Variants in TMEM179 observed in about 807,000 individuals in gnomAD.
TMEM179 encodes transmembrane protein 179A.
In TMEM179, 17 loss-of-function variants were observed where a neutral mutation model predicts 22.2. The observed-to-expected ratio is 0.77, with a 90% CI of 0.52 to 1.15. The LOEUF (loss-of-function observed/expected upper bound fraction) is 1.15. Ranked by LOEUF, TMEM179 falls within the 50% of genes most tolerant of loss-of-function variation. TMEM179 has a pLI of 0.00. For missense variants in TMEM179, 265 were observed against 313.6 expected, an observed-to-expected ratio of 0.84 and a Z score of 1.17; for synonymous variants, 127 against 140.5, an observed-to-expected ratio of 0.90 and a Z score of 0.68.
At position 104,604,009 on chromosome 14, in the gene TMEM179, G is replaced by A. The variant is rs1225480546; in HGVS notation, c.305+428C>T. The stretch of plus-strand genomic sequence containing the variant: ...TTTCCCGGGGCGATGGTGCCGGGTG[G>A]GGCTCCCCAGTTCGCCTTGTCACTG... On this transcript the variant is annotated intron_variant, in intron 1 of 3. Coordinates refer to ENST00000556573, the MANE Select transcript of TMEM179 (RefSeq NM_001286389.2). The surrounding 1 kb of genome is among the most constrained non-coding windows in gnomAD (Gnocchi z 4.6). 1.3e-5 allele frequency among the ~76,000 whole-genome samples: 2 copies of A among 152,194 alleles called. No individual in the cohort carries two copies. Among genetic ancestry groups the A allele is most frequent in the Non-Finnish European group, 1.5e-5 (1 of 68,020 alleles).
rs1880080727 is a variant in TMEM179, at chr14:104,595,237, T to C, written c.450A>G (p.Glu150=). ...TEKGTVPHSC[E]ELQDIDLELG... is the part of the protein sequence containing the mutation. ...GCTCCAAGTCGATGTCCTGGAGCTCTTCACAGCTAAAACAGCAGGACATAG... is the reference window on the plus strand; with the variant it reads ...GCTCCAAGTCGATGTCCTGGAGCTCCTCACAGCTAAAACAGCAGGACATAG... Residue 150 remains glutamate (E), a synonymous_variant, in exon 3 of 4, where the codon GAA becomes GAG. Coordinates refer to ENST00000556573, the MANE Select transcript of TMEM179 (RefSeq NM_001286389.2). This position sits in a 1 kb window ranked among gnomAD's most constrained non-coding sequence, Gnocchi z 5.7. 6.2e-7 allele frequency: 1 copy of C among 1,610,956 alleles called. No homozygotes were observed. The highest frequency in any genetic ancestry group is 1.3e-5 in the African/African-American group (1 of 74,868).
chr14:104,601,459 G>A (rs574824420), intron 1 of TMEM179, among the ~76,000 whole-genome samples: 4 of 152,330 alleles, frequency 2.6e-5, no homozygotes, highest in African/African-American at 7.2e-5. Flanking sequence ...GTCCCCTAGG[G>A]TGGGGTCCCC....
In TMEM179 at chr14:104,597,190, C is replaced by T; in HGVS notation, c.306-63G>A. The T allele has an allele frequency of 2.0e-6, 3 of 1,516,290 alleles. No individual in the cohort carries two copies. 93.9% of individuals were successfully genotyped at this position (1,516,290 alleles called of 1,614,324 possible). A position where few individuals can be genotyped will look rare whatever the true frequency, so the allele number is the denominator to read the frequency against. On this transcript the variant is annotated intron_variant, in intron 1 of 3. Transcript: ENST00000556573. The surrounding 1 kb of genome is among the most constrained non-coding windows in gnomAD (Gnocchi z 4.8). ...CCACCTCCCAGGCGACCCCCGCCCC[C>T]AGGCTGCAGCCAGAAACAGGAGGGG...
chr14:104,593,988 C>T, intron 3 of TMEM179: 1 of 1,170,426 alleles, frequency 8.5e-7, no homozygotes, highest in South Asian at 4.3e-5. Context: ...AGTGCTTTCT[C>T]CTCCAGCAGC....
At position 104,595,182 on chromosome 14, in the gene TMEM179, G is replaced by C. The variant is rs767673485; in HGVS notation, c.505C>G (p.Gln169Glu). 3.1e-6 allele frequency: 5 copies of C among 1,613,784 alleles called. No homozygotes were observed. In the South Asian group the frequency reaches 5.5e-5, roughly 18 times the overall value. ...CCCCCTACCTGGGCAATTGCAAACT[G>C]ATCGTAGAAGGCGGAGTTGTCCACG... The part of the protein sequence containing the change: ...LGVDNSAFYD[Q>E]FAIAQFGLWA... Residue 169 changes from glutamine (Q) to glutamate (E), a missense_variant, in exon 3 of 4, where the codon CAG becomes GAG. By Grantham distance (29) the Gln-to-Glu change is conservative. Coordinates refer to ENST00000556573, the MANE Select transcript of TMEM179 (RefSeq NM_001286389.2). This position sits in a 1 kb window ranked among gnomAD's most constrained non-coding sequence, Gnocchi z 5.7.
At position 104,592,774 on chromosome 14, in the gene TMEM179, G is replaced by C. The variant is rs749458332; in HGVS notation, c.*705C>G. On this transcript the variant is annotated 3_prime_UTR_variant, in exon 4 of 4. Transcript: ENST00000556573. ...GGCTCCTGGCCCAGTCCTCTATGTG[G>C]TACGTGTGCCCCCGAAATCCCCAAC... 1.3e-5 allele frequency among the ~76,000 whole-genome samples: 2 copies of C among 152,150 alleles called. No individual in the cohort carries two copies. Among genetic ancestry groups the C allele is most frequent in the Non-Finnish European group, 2.9e-5 (2 of 68,030 alleles).
intron 1 of TMEM179, among the ~76,000 whole-genome samples, chr14:104,601,949 G>C (rs928429351): frequency 6.6e-6 from 1 of 152,136 alleles, no homozygotes; most frequent in African/African-American, 2.4e-5. Context: ...CATATGGGCC[G>C]GTCAGCAGGG....
intron 1 of TMEM179, among the ~76,000 whole-genome samples, chr14:104,598,067 G>A (rs375383031): frequency 5.9e-5 from 9 of 152,302 alleles, no homozygotes; most frequent in South Asian, 2.1e-4. Flanking sequence ...TGAGGATACC[G>A]GGCAGGTGGT....
In TMEM179 at chr14:104,594,154, C is replaced by T. The variant is rs939944174; in HGVS notation, c.523-496G>A. The stretch of plus-strand genomic sequence containing the variant: ...TACATTAAGCTGATTCTCATTTGAG[C>T]GTATTTGCCATCAGACTGCACTCAC... On this transcript the variant is annotated intron_variant, in intron 3 of 3. Coordinates refer to ENST00000556573, the MANE Select transcript of TMEM179 (RefSeq NM_001286389.2). 28 of 1,231,710 alleles carry T rather than the reference C, an allele frequency of 2.3e-5. No individual in the cohort carries two copies. The African/African-American group carries it at 2.8e-4, about 12-fold the overall frequency. The allele number at this position is 1,231,710 out of a possible 1,614,324, so 76.3% of individuals were successfully genotyped here.
intron 1 of TMEM179, among the ~76,000 whole-genome samples, chr14:104,601,747 G>A (rs1887247469): frequency 6.6e-6 from 1 of 152,196 alleles, no homozygotes; most frequent in African/African-American, 2.4e-5. Context: ...CCCCTGAACT[G>A]AAGCAAAGGA....
intron 3 of TMEM179, chr14:104,594,332 C>T (rs1886945257): frequency 3.2e-6 from 4 of 1,231,504 alleles, no homozygotes; most frequent in Middle Eastern, 3.1e-4. Context: ...CCAGGAGAAG[C>T]GTCCTCAGGC....
In TMEM179 at chr14:104,595,269, G is replaced by A. The variant is rs1197632892; in HGVS notation, c.444-26C>T. 1 of 1,601,826 alleles carries A rather than the reference G, an allele frequency of 6.2e-7. No individual in the cohort carries two copies. The highest frequency in any genetic ancestry group is 1.3e-5 in the African/African-American group (1 of 74,850). ...CTAAAACAGCAGGACATAGGGTGGA[G>A]GGTGACCACCAGGACAGCCAGTGCG... On this transcript the variant is annotated intron_variant, in intron 2 of 3. Transcript: ENST00000556573. This position sits in a 1 kb window ranked among gnomAD's most constrained non-coding sequence, Gnocchi z 5.7.
Position 104,591,393 on chromosome 14 carries a change from G to A in TMEM179, c.*2086C>T. On this transcript the variant is annotated 3_prime_UTR_variant, in exon 4 of 4. Transcript: ENST00000556573. ...AGGAGCCACCCCACCTTCTGCTGGG[G>A]ACACAGACAAGGAGCTCTCCGGACT... is the stretch of plus-strand genomic sequence containing the variant. 2.2e-6 allele frequency: 1 copy of A among 456,042 alleles called. No homozygotes were observed. Among genetic ancestry groups the A allele is most frequent in the Middle Eastern group, 3.3e-4 (1 of 3,070 alleles). 28.2% of individuals were successfully genotyped at this position (456,042 alleles called of 1,614,324 possible). A position where few individuals can be genotyped will look rare whatever the true frequency, so the allele number is the denominator to read the frequency against.
chr14:104,597,732 C>T lies in TMEM179; in HGVS notation c.306-605G>A, dbSNP rs563742426. Among the ~76,000 whole-genome samples, 7 of 152,276 alleles carry T rather than the reference C, an allele frequency of 4.6e-5. No homozygotes were observed. The East Asian group carries it at 5.8e-4, about 13-fold the overall frequency. Reference sequence around the variant, plus strand: ...GCCTGGATCGCAGACCTCTAGCCTCCGGAAGTGTGAGCAGTAAATGCCTGT... The same window carrying T: ...GCCTGGATCGCAGACCTCTAGCCTCTGGAAGTGTGAGCAGTAAATGCCTGT... On this transcript the variant is annotated intron_variant, in intron 1 of 3. Transcript: ENST00000556573. This position sits in a 1 kb window ranked among gnomAD's most constrained non-coding sequence, Gnocchi z 4.8.
At position 104,593,195 on chromosome 14, in the gene TMEM179, C is replaced by G; in HGVS notation, c.*284G>C. ...GGCCAGTCAGGTCCTACTGGGACAG[C>G]CAAGGGGCCCTGTGCGAGGCCTGGA... On this transcript the variant is annotated 3_prime_UTR_variant, in exon 4 of 4. Coordinates refer to ENST00000556573, the MANE Select transcript of TMEM179 (RefSeq NM_001286389.2). 1 of 517,390 alleles carries G rather than the reference C, an allele frequency of 1.9e-6. No individual in the cohort carries two copies. The highest frequency in any genetic ancestry group is 2.4e-5 in the South Asian group (1 of 40,872). 32.0% of individuals were successfully genotyped at this position (517,390 alleles called of 1,614,324 possible). A position where few individuals can be genotyped will look rare whatever the true frequency, so the allele number is the denominator to read the frequency against.
Position 104,595,377 on chromosome 14 carries a change from T to A in TMEM179, c.444-134A>T. The A allele has an allele frequency of 1.2e-6, 1 of 827,942 alleles. No individual in the cohort carries two copies. Among genetic ancestry groups the A allele is most frequent in the Non-Finnish European group, 1.9e-6 (1 of 530,484 alleles). The allele number at this position is 827,942 out of a possible 1,614,324, so 51.3% of individuals were successfully genotyped here. On this transcript the variant is annotated intron_variant, in intron 2 of 3. Transcript: ENST00000556573. This position sits in a 1 kb window ranked among gnomAD's most constrained non-coding sequence, Gnocchi z 5.7. ...GAGGGGGTGGGCAGCAGGGAGTCTC[T>A]GGGGACATCACGGAGGGTTAGCCTC...
Position 104,591,269 on chromosome 14 carries a change from G to A in TMEM179, c.*2210C>T. 2 of 432,306 alleles carry A rather than the reference G, an allele frequency of 4.6e-6. No individual in the cohort carries two copies. The highest frequency in any genetic ancestry group is 2.5e-5 in the Admixed American group (1 of 39,372). The allele number at this position is 432,306 out of a possible 1,614,324, so 26.8% of individuals were successfully genotyped here. ...AGCCCCCAAGAACAGACCCAACCGGGGCCAAGCCTCAGGTTCCAGAAGCCA... is the reference window on the plus strand; with the variant it reads ...AGCCCCCAAGAACAGACCCAACCGGAGCCAAGCCTCAGGTTCCAGAAGCCA... On this transcript the variant is annotated 3_prime_UTR_variant, in exon 4 of 4. Coordinates refer to ENST00000556573, the MANE Select transcript of TMEM179 (RefSeq NM_001286389.2).
At chr14:104,598,683 G>C (rs1432845767) in intron 1 of TMEM179, among the ~76,000 whole-genome samples, 1 of 152,232 alleles carries the variant, frequency 6.6e-6, no homozygotes, top group Non-Finnish European at 1.5e-5. Context: ...ACTCAGAGCA[G>C]GCGACACCAG....
In TMEM179 at chr14:104,597,163, C is replaced by T; in HGVS notation, c.306-36G>A. On this transcript the variant is annotated intron_variant, in intron 1 of 3. Transcript: ENST00000556573. The surrounding 1 kb of genome is among the most constrained non-coding windows in gnomAD (Gnocchi z 4.8). ...AAACAGGAGGGGCAGGCTCACTGGA[C>T]ACCACCTCCCAGGCGACCCCCGCCC... 1.3e-6 allele frequency: 2 copies of T among 1,549,586 alleles called. No homozygotes were observed. The highest frequency in any genetic ancestry group is 1.7e-6 in the Non-Finnish European group (2 of 1,149,598).
Sources: gnomAD v4.1 joint callset for allele counts (sites outside exome capture counted in the v4.1 genomes callset) on GRCh38, gnomAD v4.1.1 for gene constraint, Gnocchi (gnomAD v3.1) non-coding constraint, MANE v1.5 for transcripts, NCBI Gene and HGNC (gene_info 2026-07-23, HGNC 2026-07-21) for gene names.